The following SLC6A11 variants were observed in gnomAD, a reference collection of about 807,000 sequenced individuals.
SLC6A11 encodes solute carrier family 6 member 11, also known as sodium- and chloride-dependent GABA transporter 3.
Under a neutral mutation model 74.8 loss-of-function variants are expected in SLC6A11, and 25 were observed. The observed-to-expected ratio is 0.33, with a 90% CI of 0.24 to 0.47. The LOEUF is 0.47. Among genes scored for constraint, SLC6A11 ranks in the 20% least tolerant of loss-of-function variants. SLC6A11 has a pLI of 1.00. For synonymous variants in SLC6A11, 330 were observed against 330.2 expected, an observed-to-expected ratio of 1.00 and a Z score of 0.01; for missense variants, 574 against 837.0, an observed-to-expected ratio of 0.69 and a Z score of 3.88.
intron 9 of SLC6A11, among the ~76,000 whole-genome samples, chr3:10,927,529 GC>G: frequency 6.6e-6 from 1 of 152,216 alleles, no homozygotes; most frequent in Non-Finnish European, 1.5e-5. Context: ...TGAGTGACTT[GC>G]TCGGTCGTGT....
chr3:10,850,375 G>C (rs1411572004), intron 5 of SLC6A11, among the ~76,000 whole-genome samples: 1 of 152,220 alleles, frequency 6.6e-6, no homozygotes, highest in Non-Finnish European at 1.5e-5. Context: ...CACCCAGCAA[G>C]TGTTTACTGT....
chr3:10,822,678 C>G (rs1047150940), intron 3 of SLC6A11, among the ~76,000 whole-genome samples: 1 of 152,136 alleles, frequency 6.6e-6, no homozygotes, highest in Non-Finnish European at 1.5e-5. Flanking sequence ...GTTGCTTTTA[C>G]TTGAGATTAA....
chr3:10,818,122 G>T (rs1165509273), intron 1 of SLC6A11, among the ~76,000 whole-genome samples: 2 of 146,298 alleles, frequency 1.4e-5, no homozygotes, highest in East Asian at 4.0e-4. Context: ...TTTTTTAAAT[G>T]AGTCATTTTT....
At chr3:10,866,063 CCCATA>C (rs1694759573) in intron 5 of SLC6A11, among the ~76,000 whole-genome samples, 1 of 152,206 alleles carries the variant, frequency 6.6e-6, no homozygotes, top group Non-Finnish European at 1.5e-5. Flanking sequence ...ATTTCTCTCT[CCCATA>C]ACAGCATGGG....
At chr3:10,863,483 A>G (rs1242729767) in intron 5 of SLC6A11, among the ~76,000 whole-genome samples, 1 of 152,234 alleles carries the variant, frequency 6.6e-6, no homozygotes, top group African/African-American at 2.4e-5. Flanking sequence ...TAGCTTGCCA[A>G]AAGTCAGCCA....
intron 5 of SLC6A11, among the ~76,000 whole-genome samples, 162 bp from the exon 6 acceptor site, chr3:10,874,799 T>C (rs549626954): frequency 6.6e-6 from 1 of 152,288 alleles, no homozygotes; most frequent in East Asian, 1.9e-4. Context: ...CTTGTACAGA[T>C]GAATGGATCA....
chr3:10,841,155 C>T (rs1197509616), intron 4 of SLC6A11, among the ~76,000 whole-genome samples: 1 of 152,170 alleles, frequency 6.6e-6, no homozygotes, highest in Non-Finnish European at 1.5e-5. Context: ...CTCTGCAGAG[C>T]CCCATCTAGG....
chr3:10,938,539 T>C lies in SLC6A11; in HGVS notation c.*137T>C, dbSNP rs974201576. On this transcript the variant is annotated 3_prime_UTR_variant, in exon 14 of 14. Transcript: ENST00000254488. Reference sequence around the variant, plus strand: ...ATTAATTAACAAGTTAATTTTAAGGTGGCCACTGTACACTGCTCTAAAGTC... The same window carrying C: ...ATTAATTAACAAGTTAATTTTAAGGCGGCCACTGTACACTGCTCTAAAGTC... The C allele has an allele frequency of 1.8e-5, 16 of 890,590 alleles. No individual in the cohort carries two copies. Among genetic ancestry groups the C allele is most frequent in the South Asian group, 2.0e-5 (1 of 50,736 alleles). 55.2% of individuals were successfully genotyped at this position (890,590 alleles called of 1,614,324 possible).
chr3:10,876,732 G>GCCACCCCCCCCCCCCCCCCCC (rs1694910872), intron 6 of SLC6A11, among the ~76,000 whole-genome samples: 1 of 19,940 alleles, frequency 5.0e-5, no homozygotes, highest in Non-Finnish European at 1.0e-4. Flanking sequence ...CACCTTAAAC[G>GCCACCCCCCCCCCCCCCCCCC]CCCCGCCCCC....
At chr3:10,863,775 G>T (rs893566907) in intron 5 of SLC6A11, among the ~76,000 whole-genome samples, 14 of 152,270 alleles carry the variant, frequency 9.2e-5, no homozygotes, top group Admixed American at 7.2e-4. Flanking sequence ...AGGTTTGCAG[G>T]CAGGGAAGTG....
intron 6 of SLC6A11, among the ~76,000 whole-genome samples, chr3:10,876,245 C>T (rs369301884): frequency 6.6e-6 from 1 of 152,162 alleles, no homozygotes; most frequent in African/African-American, 2.4e-5. Flanking sequence ...CTTGCAGGGC[C>T]TTGAGGCTGA....
chr3:10,875,053 G>T lies in SLC6A11; in HGVS notation c.849G>T (p.Lys283Asn). 6.2e-7 allele frequency: 1 copy of T among 1,613,700 alleles called. No homozygotes were observed. Among genetic ancestry groups the T allele is most frequent in the Non-Finnish European group, 8.5e-7 (1 of 1,179,770 alleles). ...TGCCCGGGGCCTCAGAGGGCATCAA[G>T]TTCTACTTGTACCCTGACCTCTCCC... is the stretch of plus-strand genomic sequence containing the variant. ...VTLPGASEGI[K>N]FYLYPDLSRL... Residue 283 changes from lysine to asparagine, a missense_variant, in exon 6 of 14, where the codon AAG becomes AAT. By Grantham distance (94) the Lys-to-Asn change is moderately conservative (BLOSUM62 0). Coordinates refer to ENST00000254488, the MANE Select transcript of SLC6A11 (RefSeq NM_014229.3).
At chr3:10,891,845 G>T (rs1385005276) in intron 6 of SLC6A11, among the ~76,000 whole-genome samples, 2 of 152,178 alleles carry the variant, frequency 1.3e-5, no homozygotes, top group African/African-American at 4.8e-5. Flanking sequence ...TTGTGTCCTT[G>T]GGCAGGTCAC....
chr3:10,891,758 C>A (rs1456978602), intron 6 of SLC6A11, among the ~76,000 whole-genome samples: 3 of 152,280 alleles, frequency 2.0e-5, no homozygotes, highest in Non-Finnish European at 2.9e-5. Context: ...CACTTTTCCA[C>A]CCCTTTGAGT....
At chr3:10,852,642 C>G (rs533489423) in intron 5 of SLC6A11, among the ~76,000 whole-genome samples, 1 of 152,354 alleles carries the variant, frequency 6.6e-6, no homozygotes, top group African/African-American at 2.4e-5. Flanking sequence ...GCAGTTAACC[C>G]TTACCAAGCC....
chr3:10,879,208 T>A (rs1052944832), intron 6 of SLC6A11, among the ~76,000 whole-genome samples: 2 of 152,226 alleles, frequency 1.3e-5, no homozygotes, highest in Admixed American at 1.3e-4. Context: ...TTTTTGATTC[T>A]CTGTCAGCGA....
At chr3:10,868,511 G>A (rs566316102) in intron 5 of SLC6A11, among the ~76,000 whole-genome samples, 2 of 152,196 alleles carry the variant, frequency 1.3e-5, no homozygotes, top group Non-Finnish European at 2.9e-5. Flanking sequence ...TATTCAGAAA[G>A]CCTTGACCTG....
chr3:10,844,213 G>A lies in SLC6A11; in HGVS notation c.624-1G>A. 1 of 1,614,216 alleles carries A rather than the reference G, an allele frequency of 6.2e-7. No individual in the cohort carries two copies. Among genetic ancestry groups the A allele is most frequent in the Non-Finnish European group, 8.5e-7 (1 of 1,180,030 alleles). On this transcript the variant is annotated splice_acceptor_variant, in intron 4 of 13. Coordinates refer to ENST00000254488, the MANE Select transcript of SLC6A11 (RefSeq NM_014229.3). LOFTEE classifies it high-confidence loss of function. ...GTGACTCTCCACCCTCCCTTCTGCA[G>A]GCACCGGGTCCTGGCCATCTCTGAC... is the stretch of plus-strand genomic sequence containing the variant.
chr3:10,857,273 G>A (rs1477058313), intron 5 of SLC6A11, among the ~76,000 whole-genome samples: 1 of 152,176 alleles, frequency 6.6e-6, no homozygotes, highest in Non-Finnish European at 1.5e-5. Context: ...CACATTGGAG[G>A]AGTGGTGTGG....
Sources: allele counts gnomAD v4.1 joint callset (sites outside exome capture counted in the v4.1 genomes callset), GRCh38; gene constraint gnomAD v4.1.1; transcripts MANE v1.5; gene names NCBI Gene and HGNC (gene_info 2026-07-23, HGNC 2026-07-21).